The following DNM2 variants were observed in gnomAD, a reference collection of about 807,000 sequenced individuals.
DNM2 encodes dynamin 2.
A neutral mutation model predicts 99.0 loss-of-function variants in DNM2; 15 were observed. That is an observed-to-expected ratio of 0.15 (90% CI 0.10 to 0.23). The LOEUF (loss-of-function observed/expected upper bound fraction) is 0.23, where lower values mean the gene tolerates loss of function less well. DNM2 is among the 10% of genes least tolerant of loss of function. The pLI is 1.00. For missense variants in DNM2, 742 were observed against 1,189.4 expected (o/e 0.62, Z 5.53); for synonymous variants, 525 against 481.2 (o/e 1.09, Z -1.19).
intron 1 of DNM2, among the ~76,000 whole-genome samples, chr19:10,758,816 G>A (rs537365040): frequency 6.6e-6 from 1 of 152,278 alleles, no homozygotes; most frequent in South Asian, 2.1e-4. Context: ...CCAAAGTGCT[G>A]AGGTTACAGG....
chr19:10,794,910 A>T (rs1388732606), intron 8 of DNM2, among the ~76,000 whole-genome samples: 3 of 151,930 alleles, frequency 2.0e-5, no homozygotes, highest in African/African-American at 7.3e-5. Context: ...TTAATTAATT[A>T]ATTTGTTTGT....
At chr19:10,813,986 G>A (rs757934855) in intron 15 of DNM2, among the ~76,000 whole-genome samples, 12 of 151,970 alleles carry the variant, frequency 7.9e-5, no homozygotes, top group Non-Finnish European at 1.6e-4. Flanking sequence ...AAACGGTGAA[G>A]CCCCTTCTCT....
intron 17 of DNM2, 143 bp downstream of exon 17, chr19:10,824,042 C>A: frequency 1.3e-6 from 1 of 753,590 alleles, no homozygotes. Context: ...CTTGAGCAAG[C>A]AAAGGAGAAA....
chr19:10,819,443 G>T (rs571035041), intron 15 of DNM2, among the ~76,000 whole-genome samples: 1 of 152,134 alleles, frequency 6.6e-6, no homozygotes, highest in Admixed American at 6.5e-5. Context: ...TTCAAAGATG[G>T]AGCCCAGATA....
chr19:10,780,925 T>TCTC (rs2071347063), intron 5 of DNM2, among the ~76,000 whole-genome samples: 1 of 148,448 alleles, frequency 6.7e-6, no homozygotes, highest in Non-Finnish European at 1.5e-5. Flanking sequence ...GGCTGAGACA[T>TCTC]GAGAATCGCT....
In DNM2 at chr19:10,775,141, G is replaced by T. The variant is rs1343312872; in HGVS notation, c.386-562G>T. Among the ~76,000 whole-genome samples, 4 of 152,140 alleles carry T rather than the reference G, an allele frequency of 2.6e-5. No homozygotes were observed. Among genetic ancestry groups the T allele is most frequent in the Non-Finnish European group, 5.9e-5 (4 of 68,006 alleles). Reference sequence around the variant, plus strand: ...CTGTCGCCCAGGCTGGAGTGCAGTGGTATGATCTCAGCTCACTGCAACCTC... The same window carrying T: ...CTGTCGCCCAGGCTGGAGTGCAGTGTTATGATCTCAGCTCACTGCAACCTC... On this transcript the variant is annotated intron_variant, in intron 3 of 20. Coordinates refer to ENST00000389253, the MANE Select transcript of DNM2 (RefSeq NM_001005361.3). The surrounding 1 kb of genome is among the most constrained non-coding windows in gnomAD (Gnocchi z 4.3).
chr19:10,817,381 G>A lies in DNM2; in HGVS notation c.1672-2599G>A. On this transcript the variant is annotated intron_variant, in intron 15 of 20. Coordinates refer to ENST00000389253, the MANE Select transcript of DNM2 (RefSeq NM_001005361.3). The surrounding 1 kb of genome is among the most constrained non-coding windows in gnomAD (Gnocchi z 4.6). ...GGTGGAAAATGACACTCACCTGCCG[G>A]CGAGTTTGGGGGGCCTGTCTCGACG... 2.1e-6 allele frequency: 1 copy of A among 482,848 alleles called. No individual in the cohort carries two copies. The highest frequency in any genetic ancestry group is 4.3e-6 in the Non-Finnish European group (1 of 234,640). 29.9% of individuals were successfully genotyped at this position (482,848 alleles called of 1,614,324 possible). A position where few individuals can be genotyped will look rare whatever the true frequency, so the allele number is the denominator to read the frequency against.
intron 19 of DNM2, among the ~76,000 whole-genome samples, chr19:10,829,570 C>T (rs1167158640): frequency 5.3e-5 from 8 of 152,218 alleles, no homozygotes; most frequent in Non-Finnish European, 1.2e-4. Flanking sequence ...GGGGCAGCAG[C>T]CACAGGAGAG....
At position 10,795,213 on chromosome 19, in the gene DNM2, A is replaced by G. The variant is rs2071890440; in HGVS notation, c.1129-159A>G. Among the ~76,000 whole-genome samples, 1 of 152,124 alleles carries G rather than the reference A, an allele frequency of 6.6e-6. No individual in the cohort carries two copies. Among genetic ancestry groups the G allele is most frequent in the Non-Finnish European group, 1.5e-5 (1 of 68,032 alleles). On this transcript the variant is annotated intron_variant, in intron 8 of 20. Transcript: ENST00000389253. The surrounding 1 kb of genome is among the most constrained non-coding windows in gnomAD (Gnocchi z 4.2). ...TGAGATTACAGGTGTGAGCCACTGT[A>G]TCTGGCCAGTTTTCAATTTTTTAAA...
Position 10,831,528 on chromosome 19 carries a change from G to T in DNM2, c.*481G>T, listed in dbSNP as rs528752597. 5 of 987,030 alleles carry T rather than the reference G, an allele frequency of 5.1e-6. No individual in the cohort carries two copies. The highest frequency in any genetic ancestry group is 1.7e-5 in the African/African-American group (1 of 57,396). The allele number at this position is 987,030 out of a possible 1,614,324, so 61.1% of individuals were successfully genotyped here. ...CAAGCCTGGCCCAGTGGGCTCGGTA[G>T]TGCCCAGCTGGCAGGCCTGAGGTGT... is the stretch of plus-strand genomic sequence containing the variant. On this transcript the variant is annotated 3_prime_UTR_variant, in exon 21 of 21. Transcript: ENST00000389253. The surrounding 1 kb of genome is among the most constrained non-coding windows in gnomAD (Gnocchi z 4.3).
rs887542878 is a variant in DNM2, at chr19:10,795,968, T to C, written c.1196+529T>C. 6.3e-7 allele frequency: 1 copy of C among 1,597,758 alleles called. No homozygotes were observed. Among genetic ancestry groups the C allele is most frequent in the Non-Finnish European group, 8.5e-7 (1 of 1,173,918 alleles). ...CACACATGACACAACCTTCATTCCT[T>C]GTTGGGGACCCGGCCAGGGCCAATG... is the stretch of plus-strand genomic sequence containing the variant. On this transcript the variant is annotated intron_variant, in intron 9 of 20. Coordinates refer to ENST00000389253, the MANE Select transcript of DNM2 (RefSeq NM_001005361.3). The surrounding 1 kb of genome is among the most constrained non-coding windows in gnomAD (Gnocchi z 4.2).
intron 10 of DNM2, among the ~76,000 whole-genome samples, chr19:10,798,027 C>T (rs893374791): frequency 1.3e-5 from 2 of 152,098 alleles, no homozygotes; most frequent in Non-Finnish European, 2.9e-5. Context: ...GCCACAGATA[C>T]AGTGATCAGG....
rs896408635 is a variant in DNM2 at position 10,778,917 on chromosome 19, A to G, written c.688+1701A>G. ...AAGTATTTTTTATTTTATTTTAAAA[A>G]TATTTTAAATATTTTGGGTCGGGCA... On this transcript the variant is annotated intron_variant, in intron 5 of 20. Coordinates refer to ENST00000389253, the MANE Select transcript of DNM2 (RefSeq NM_001005361.3). 7.9e-5 allele frequency among the ~76,000 whole-genome samples: 12 copies of G among 152,128 alleles called. No homozygotes were observed. In the South Asian group the frequency reaches 2.1e-3, roughly 26 times the overall value.
At chr19:10,736,264 CAA>C (rs545329681) in intron 1 of DNM2, among the ~76,000 whole-genome samples, 23 of 91,402 alleles carry the variant, frequency 2.5e-4, no homozygotes, top group Non-Finnish European at 3.6e-4. Context: ...GACTCTGTCT[CAA>C]AAAAAAAAAA....
At chr19:10,785,597 A>G (rs1157434205) in intron 6 of DNM2, among the ~76,000 whole-genome samples, 1 of 152,070 alleles carries the variant, frequency 6.6e-6, no homozygotes, top group Non-Finnish European at 1.5e-5. Context: ...CACCTAGCTA[A>G]TTTTTAAAAC....
At chr19:10,736,602 TTTTGTTTG>T (rs372669018) in intron 1 of DNM2, among the ~76,000 whole-genome samples, 1 of 150,250 alleles carries the variant, frequency 6.7e-6, no homozygotes. Context: ...GGTATTAGTT[TTTTGTTTG>T]TTTGTTTGTT....
At chr19:10,771,651 C>T (rs1043657663) in intron 2 of DNM2, among the ~76,000 whole-genome samples, 8 of 152,134 alleles carry the variant, frequency 5.3e-5, no homozygotes, top group Admixed American at 1.3e-4. Flanking sequence ...ACTTGGGCAT[C>T]GAACTCCCTT....
intron 1 of DNM2, among the ~76,000 whole-genome samples, chr19:10,726,096 G>A (rs948837382): frequency 7.2e-5 from 11 of 151,940 alleles, no homozygotes; most frequent in Non-Finnish European, 5.9e-5. Context: ...GCTCTCACCT[G>A]TAGTCCCAGC....
At chr19:10,781,011 CTG>C (rs2071350262) in intron 5 of DNM2, among the ~76,000 whole-genome samples, 1 of 100,976 alleles carries the variant, frequency 9.9e-6, no homozygotes, top group African/African-American at 3.7e-5. Context: ...GAGTGAGACT[CTG>C]TCTTTAAAAA....
Sources: allele counts gnomAD v4.1 joint callset (sites outside exome capture counted in the v4.1 genomes callset), GRCh38; gene constraint gnomAD v4.1.1; non-coding constraint Gnocchi (gnomAD v3.1); transcripts MANE v1.5; gene names NCBI Gene and HGNC (gene_info 2026-07-23, HGNC 2026-07-21).